PRDM11: variants seen among roughly 807,000 people sequenced by gnomAD.
The protein encoded by PRDM11 is PR/SET domain 11.
Under a neutral mutation model 97.8 loss-of-function variants are expected in PRDM11, and 20 were observed. The ratio of observed to expected loss-of-function variants is 0.20; its 90% CI spans 0.14 to 0.30. The LOEUF (loss-of-function observed/expected upper bound fraction) is 0.30. Ranked by LOEUF, PRDM11 falls within the 10% of genes least tolerant of loss-of-function variation. PRDM11 has a pLI of 1.00. For synonymous variants in PRDM11, 599 were observed against 637.7 expected, an observed-to-expected ratio of 0.94 and a Z score of 0.91; for missense variants, 1,139 against 1,555.2, an observed-to-expected ratio of 0.73 and a Z score of 4.50.
chr11:45,233,896 C>G lies in PRDM11; in HGVS notation c.*5737C>G. The G allele has an allele frequency of 6.6e-6, 1 of 152,378 alleles. No homozygotes were observed. The highest frequency in any genetic ancestry group is 1.9e-4 in the East Asian group (1 of 5,190). The allele number at this position is 152,378 out of a possible 1,614,324, so 9.4% of individuals were successfully genotyped here. The stretch of plus-strand genomic sequence containing the variant: ...CGCAGCAGCTGCTGCTGGCTGTACT[C>G]AGGACAACGCTGTTCCCCCTCCCTC... On this transcript the variant is annotated 3_prime_UTR_variant, in exon 8 of 8. Transcript: ENST00000683152.
intron 1 of PRDM11, among the ~76,000 whole-genome samples, chr11:45,161,972 G>A (rs887189389): frequency 7.2e-5 from 11 of 152,330 alleles, no homozygotes; most frequent in Non-Finnish European, 1.3e-4. Context: ...TTCCCTGTCC[G>A]GTTCTTTTTC....
chr11:45,183,210 G>A (rs748991381), intron 4 of PRDM11, 87 bp downstream of exon 4: 228 of 1,463,780 alleles, frequency 1.6e-4, no homozygotes, highest in Admixed American at 2.1e-4. Context: ...GCCCAGCTTG[G>A]CCCCAGAACT....
At position 45,228,255 on chromosome 11, in the gene PRDM11, TTATATTATATTA is replaced by T; in HGVS notation, c.*102_*113del. On this transcript the variant is annotated 3_prime_UTR_variant, in exon 8 of 8. Transcript: ENST00000683152. ...TTATATAAATATATATTATATTATA[TTATATTATATTA>T]TATATATATATATATATAAACTCAC... The T allele has an allele frequency of 1.0e-5, 3 of 295,432 alleles. No individual in the cohort carries two copies. The highest frequency in any genetic ancestry group is 1.5e-5 in the Non-Finnish European group (3 of 199,380). 18.3% of individuals were successfully genotyped at this position (295,432 alleles called of 1,614,324 possible). A position where few individuals can be genotyped will look rare whatever the true frequency, so the allele number is the denominator to read the frequency against.
intron 1 of PRDM11, among the ~76,000 whole-genome samples, chr11:45,136,935 G>C (rs1295954883): frequency 6.7e-6 from 1 of 150,204 alleles, no homozygotes; most frequent in Non-Finnish European, 1.5e-5. Context: ...TTGAGGTCAG[G>C]AGTTCGAGAC....
intron 1 of PRDM11, among the ~76,000 whole-genome samples, chr11:45,097,835 C>G (rs1037892503): frequency 6.6e-6 from 1 of 152,216 alleles, no homozygotes; most frequent in Non-Finnish European, 1.5e-5. Flanking sequence ...TTTGGAGGTG[C>G]CTGCAGTGGC....
chr11:45,181,673 G>A (rs1852505666), intron 1 of PRDM11, 88 bp from the exon 2 acceptor site: 2 of 1,083,548 alleles, frequency 1.8e-6, no homozygotes, highest in Middle Eastern at 2.0e-4. Flanking sequence ...GACTCCGCGA[G>A]ACCCCCACTT....
At chr11:45,203,623 A>T (rs1462054670) in intron 4 of PRDM11, among the ~76,000 whole-genome samples, 1 of 143,950 alleles carries the variant, frequency 6.9e-6, no homozygotes, top group Non-Finnish European at 1.5e-5. Context: ...TACTCCCATA[A>T]TTTTTTTTTT....
rs1044846120 is a variant in PRDM11 at position 45,224,440 on chromosome 11, G to A, written c.966G>A (p.Gln322=). The change falls in exon 7 of 8, where the codon CAG becomes CAA. Residue 322 remains glutamine (Q), a synonymous_variant. Transcript: ENST00000683152. The stretch of plus-strand genomic sequence containing the variant: ...AATCTGCGAAGGTGGAAGCCCACCA[G>A]TTGGCCCTGAGCACCTCACTGGTCA... ...SLESAKVEAH[Q]LALSTSLVIR... is the part of the protein sequence containing the mutation. 5.0e-6 allele frequency: 8 copies of A among 1,614,112 alleles called. No individual in the cohort carries two copies. In the Admixed American group the frequency reaches 6.7e-5, roughly 13 times the overall value.
At chr11:45,101,631 A>G (rs16938170) in intron 1 of PRDM11, among the ~76,000 whole-genome samples, 3,306 of 118,968 alleles carry the variant, frequency 0.028, 83 homozygotes, top group Middle Eastern at 0.048. Flanking sequence ...GAGGCTGAGC[A>G]GAGGAAGAAG....
upstream of PRDM11, among the ~76,000 whole-genome samples, chr11:45,094,525 A>G (rs1851857545): frequency 7.0e-6 from 1 of 143,632 alleles, no homozygotes; most frequent in Admixed American, 6.9e-5. Context: ...ACATGCAGGA[A>G]GAAAAGAGGG....
chr11:45,152,184 C>T (rs1188759425), intron 1 of PRDM11, among the ~76,000 whole-genome samples: 1 of 152,198 alleles, frequency 6.6e-6, no homozygotes, highest in Non-Finnish European at 1.5e-5. Context: ...TCTCCTGCCT[C>T]AGCCCCCGAG....
chr11:45,226,188 C>G lies in PRDM11; in HGVS notation c.1563C>G (p.Ser521=), dbSNP rs567640837. 7.2e-6 allele frequency: 11 copies of G among 1,533,694 alleles called. No homozygotes were observed. The South Asian group carries it at 9.5e-5, about 13-fold the overall frequency. ...AGAAGTTCTGGTTCCTGCGGTACTC[C>G]CCAACCCTCAATGAGATGTGGTGCC... ...WLKKFWFLRY[S]PTLNEMWCHV... is the part of the protein sequence containing the mutation. The change falls in exon 8 of 8, where the codon TCC becomes TCG. Residue 521 remains serine, a synonymous_variant. Transcript: ENST00000683152.
At chr11:45,142,801 A>T (rs1399535938), upstream of PRDM11, among the ~76,000 whole-genome samples, 1 of 152,182 alleles carries the variant, frequency 6.6e-6, no homozygotes, top group African/African-American at 2.4e-5. Flanking sequence ...ATCAGAACAG[A>T]ACTGTGCCTG....
At chr11:45,182,764 C>T in intron 3 of PRDM11, 97 bp from the exon 4 acceptor site, 1 of 1,404,928 alleles carries the variant, frequency 7.1e-7, no homozygotes, top group Non-Finnish European at 9.6e-7. Flanking sequence ...AGCTGGCTGT[C>T]CATGAGTGGG....
chr11:45,208,515 C>T (rs1035377826), intron 5 of PRDM11, among the ~76,000 whole-genome samples: 3 of 152,096 alleles, frequency 2.0e-5, no homozygotes, highest in South Asian at 2.1e-4. Context: ...GATGTGTTTC[C>T]CTCCTTAGTA....
intron 4 of PRDM11, among the ~76,000 whole-genome samples, chr11:45,193,784 G>A (rs916251319): frequency 2.1e-4 from 32 of 152,148 alleles, no homozygotes; most frequent in African/African-American, 7.5e-4. Flanking sequence ...GTCAGCTGCC[G>A]TTCCTCATTT....
chr11:45,152,575 C>T (rs11038333), intron 1 of PRDM11, among the ~76,000 whole-genome samples: 68,793 of 152,068 alleles, frequency 0.45, 17,851 homozygotes, highest in Non-Finnish European at 0.58. Flanking sequence ...ATAGTATATG[C>T]CATATGGTAA....
At position 45,225,999 on chromosome 11, in the gene PRDM11, A is replaced by C; in HGVS notation, c.1374A>C (p.Ser458=). 6.7e-7 allele frequency: 1 copy of C among 1,485,096 alleles called. No individual in the cohort carries two copies. The highest frequency in any genetic ancestry group is 8.9e-7 in the Non-Finnish European group (1 of 1,119,182). The allele number at this position is 1,485,096 out of a possible 1,614,324, so 92.0% of individuals were successfully genotyped here. The change falls in exon 8 of 8, where the codon TCA becomes TCC. Residue 458 remains serine (S), a synonymous_variant. Coordinates refer to ENST00000683152, the MANE Select transcript of PRDM11 (RefSeq NM_001384648.1). ...TCTTTCCCATTTGTTTTTCAGCCTC[A>C]GAAAGCATGGTCTCCGGCCCCGCCA... The part of the protein sequence containing the change: ...ELPEFSDPAA[S]ESMVSGPAIM...
chr11:45,137,531 G>A (rs1461256696), intron 1 of PRDM11, among the ~76,000 whole-genome samples: 1 of 152,132 alleles, frequency 6.6e-6, no homozygotes, highest in African/African-American at 2.4e-5. Flanking sequence ...CAGGAGAATT[G>A]CTTGAGCCCA....
Sources: gnomAD v4.1 joint callset for allele counts (sites outside exome capture counted in the v4.1 genomes callset) on GRCh38, gnomAD v4.1.1 for gene constraint, MANE v1.5 for transcripts, NCBI Gene and HGNC (gene_info 2026-07-23, HGNC 2026-07-21) for gene names.